The following TEC variants were observed in gnomAD, a reference collection of about 807,000 sequenced individuals.
The protein encoded by TEC is tec protein tyrosine kinase.
TEC carries 72 observed loss-of-function variants against 93.0 expected under a neutral mutation model. That is an observed-to-expected ratio of 0.77 (90% confidence interval 0.64 to 0.94). The LOEUF (loss-of-function observed/expected upper bound fraction) is 0.94. TEC is among the 40% of genes least tolerant of loss of function. The pLI, the probability that TEC is intolerant of heterozygous loss-of-function variation, is 0.00. For missense variants in TEC, 630 were observed against 757.9 expected (o/e 0.83, Z 1.98); for synonymous variants, 249 against 247.7 (o/e 1.01, Z -0.05).
intron 3 of TEC, among the ~76,000 whole-genome samples, chr4:48,172,490 A>G (rs1015519951): frequency 6.6e-6 from 1 of 150,562 alleles, no homozygotes; most frequent in Non-Finnish European, 1.5e-5. Flanking sequence ...GCTGGATGGC[A>G]GGGGTGGAAT....
At chr4:48,163,888 T>C in intron 7 of TEC, 121 bp from the exon 8 acceptor site, 1 of 518,780 alleles carries the variant, frequency 1.9e-6, no homozygotes. Context: ...TAAGAAAGAC[T>C]AGCTGACCCC....
rs138183107 is a variant in TEC, at chr4:48,231,459, T to C, written c.-45-2800A>G. ...ACACATTTTCAAGGGTGAAAATGAC[T>C]ACTTATAAGAACAGAGGCCGGGCAC... On this transcript the variant is annotated intron_variant, in intron 1 of 17. Coordinates refer to ENST00000381501, the MANE Select transcript of TEC (RefSeq NM_003215.3). Among the ~76,000 whole-genome samples the C allele has an allele frequency of 2.3e-3, 350 of 152,310 alleles. 1 individual carries two copies. The highest frequency in any genetic ancestry group is 7.9e-3 in the African/African-American group (330 of 41,576).
intron 2 of TEC, among the ~76,000 whole-genome samples, chr4:48,218,554 C>T (rs1723151498): frequency 6.6e-6 from 1 of 152,146 alleles, no homozygotes; most frequent in Non-Finnish European, 1.5e-5. Flanking sequence ...CACCAACTCC[C>T]CAGAACCCTA....
intron 1 of TEC, among the ~76,000 whole-genome samples, chr4:48,257,338 A>G (rs1474569476): frequency 6.6e-6 from 1 of 152,334 alleles, no homozygotes; most frequent in South Asian, 2.1e-4. Context: ...TAAGGTCTAT[A>G]TAGTTAAGGG....
At chr4:48,145,371 T>C in intron 13 of TEC, 37 bp downstream of exon 13, 2 of 1,613,102 alleles carry the variant, frequency 1.2e-6, no homozygotes, top group Non-Finnish European at 1.7e-6. Context: ...CACTTCTTAA[T>C]ACAAAAAGAT....
chr4:48,179,975 C>A (rs1318981029), intron 2 of TEC, among the ~76,000 whole-genome samples: 1 of 152,078 alleles, frequency 6.6e-6, no homozygotes, highest in Non-Finnish European at 1.5e-5. Context: ...GGTCTGCTTT[C>A]AAAACACCCA....
At chr4:48,137,615 A>G (rs2109497784) in intron 17 of TEC, 116 bp from the exon 18 acceptor site, 1 of 789,216 alleles carries the variant, frequency 1.3e-6, no homozygotes, top group African/African-American at 1.7e-5. Flanking sequence ...CTTTGGGACT[A>G]GGACATACAG....
At chr4:48,262,389 G>A (rs1724518957) in intron 1 of TEC, among the ~76,000 whole-genome samples, 1 of 151,604 alleles carries the variant, frequency 6.6e-6, no homozygotes, top group Admixed American at 6.6e-5. Context: ...TAAAGATGGG[G>A]TTTCACCATA....
At chr4:48,251,074 T>C (rs1246329524) in intron 1 of TEC, among the ~76,000 whole-genome samples, 1 of 152,198 alleles carries the variant, frequency 6.6e-6, no homozygotes, top group African/African-American at 2.4e-5. Flanking sequence ...TTAAAAAACA[T>C]AAATCAGTCT....
chr4:48,144,414 G>C (rs1445311745), intron 14 of TEC, among the ~76,000 whole-genome samples: 1 of 152,100 alleles, frequency 6.6e-6, no homozygotes, highest in African/African-American at 2.4e-5. Context: ...ATTATTTTCA[G>C]GGGACAGAGT....
chr4:48,160,774 G>GAAAA (rs1560381891), intron 8 of TEC, among the ~76,000 whole-genome samples: 7,125 of 136,314 alleles, frequency 0.052, 249 homozygotes, highest in Middle Eastern at 0.097. Context: ...AAGAAAAAAA[G>GAAAA]AAAGAAAGAA....
At chr4:48,268,104 C>T (rs777991731) in intron 1 of TEC, among the ~76,000 whole-genome samples, 6 of 152,340 alleles carry the variant, frequency 3.9e-5, no homozygotes, top group Non-Finnish European at 7.3e-5. Flanking sequence ...TTATTTTCCA[C>T]GGTTTGGTAA....
chr4:48,200,776 T>G (rs1302966348), intron 2 of TEC, among the ~76,000 whole-genome samples: 2 of 152,336 alleles, frequency 1.3e-5, no homozygotes, highest in East Asian at 1.9e-4. Context: ...TCTTTCTTCC[T>G]TCCTCCAGCT....
intron 9 of TEC, among the ~76,000 whole-genome samples, chr4:48,156,366 T>C (rs1019393439): frequency 6.6e-6 from 1 of 152,198 alleles, no homozygotes; most frequent in Non-Finnish European, 1.5e-5. Flanking sequence ...TGAAGACATG[T>C]CCAGCTGCAC....
intron 1 of TEC, among the ~76,000 whole-genome samples, chr4:48,248,467 CTT>C (rs1338997852): frequency 2.0e-5 from 3 of 152,162 alleles, no homozygotes; most frequent in Non-Finnish European, 2.9e-5. Context: ...TTTATTTGCT[CTT>C]GTTTCACTGG....
At chr4:48,239,275 G>A (rs181040211) in intron 1 of TEC, among the ~76,000 whole-genome samples, 1 of 151,986 alleles carries the variant, frequency 6.6e-6, no homozygotes, top group East Asian at 1.9e-4. Context: ...AATCTAAATG[G>A]TTCTAAATAT....
intron 17 of TEC, 36 bp downstream of exon 17, chr4:48,138,623 TCCCTAA>T (rs746362391): frequency 5.1e-6 from 8 of 1,564,038 alleles, no homozygotes; most frequent in Non-Finnish European, 5.2e-6. Flanking sequence ...CCAAGCCCAA[TCCCTAA>T]GAGATTCAAA....
chr4:48,196,347 AC>A (rs1722302107), intron 2 of TEC, among the ~76,000 whole-genome samples: 1 of 152,226 alleles, frequency 6.6e-6, no homozygotes, highest in Non-Finnish European at 1.5e-5. Flanking sequence ...CAGCTCTGCT[AC>A]TTACTCACTG....
At chr4:48,259,112 C>T (rs1724421305) in intron 1 of TEC, among the ~76,000 whole-genome samples, 1 of 152,190 alleles carries the variant, frequency 6.6e-6, no homozygotes, top group Admixed American at 6.5e-5. Context: ...TTGTTCATGA[C>T]TGTGTATAAA....
Sources: gnomAD v4.1 joint callset for allele counts (sites outside exome capture counted in the v4.1 genomes callset) on GRCh38, gnomAD v4.1.1 for gene constraint, MANE v1.5 for transcripts, NCBI Gene and HGNC (gene_info 2026-07-23, HGNC 2026-07-21) for gene names.